The following QDPR variants were observed in gnomAD, a reference collection of about 807,000 sequenced individuals.
The protein encoded by QDPR is quinoid dihydropteridine reductase, also known as dihydropteridine reductase.
In QDPR, 23 loss-of-function variants were observed where a neutral mutation model predicts 31.7. The observed-to-expected ratio is 0.73, with a 90% CI of 0.52 to 1.03. The LOEUF (loss-of-function observed/expected upper bound fraction) is 1.03. Among genes scored for constraint, QDPR ranks in the 50% least tolerant of loss-of-function variants. QDPR has a pLI of 0.00. For synonymous variants in QDPR, 124 were observed against 124.7 expected, an observed-to-expected ratio of 0.99 and a Z score of 0.03; for missense variants, 324 against 323.8, an observed-to-expected ratio of 1.00 and a Z score of 0.00.
intron 2 of QDPR, among the ~76,000 whole-genome samples, chr4:17,506,905 T>A (rs1356030657): frequency 1.3e-5 from 2 of 152,232 alleles, no homozygotes; most frequent in East Asian, 3.8e-4. Flanking sequence ...AGAGTTGTGC[T>A]CACAGTTTTA....
intron 2 of QDPR, among the ~76,000 whole-genome samples, chr4:17,505,183 C>A (rs1034204537): frequency 2.0e-5 from 3 of 151,238 alleles, no homozygotes; most frequent in African/African-American, 7.3e-5. Flanking sequence ...CCGTATTTCT[C>A]TGGAATGGCT....
chr4:17,508,392 T>C (rs1718865202), intron 2 of QDPR, among the ~76,000 whole-genome samples: 1 of 152,168 alleles, frequency 6.6e-6, no homozygotes. Context: ...TGAGCTGAGA[T>C]TGTGCCACTG....
intron 2 of QDPR, 60 bp downstream of exon 2, chr4:17,509,211 C>T: frequency 8.0e-7 from 1 of 1,247,592 alleles, no homozygotes. Flanking sequence ...GAACATACAG[C>T]CAGTGGTCAC....
intron 2 of QDPR, among the ~76,000 whole-genome samples, chr4:17,509,015 G>A (rs1451747478): frequency 6.6e-6 from 1 of 152,110 alleles, no homozygotes; most frequent in East Asian, 1.9e-4. Context: ...AAAATTAGCT[G>A]GGGGTGGTGG....
intron 1 of QDPR, among the ~76,000 whole-genome samples, chr4:17,511,278 T>G (rs900663863): frequency 3.3e-5 from 5 of 152,116 alleles, no homozygotes; most frequent in African/African-American, 9.7e-5. Flanking sequence ...TGCCGCCTCC[T>G]GGAAATTGAC....
Position 17,492,490 on chromosome 4 carries a change from C to G in QDPR, c.437-150G>C, listed in dbSNP as rs1420918806. 4.4e-6 allele frequency: 3 copies of G among 680,008 alleles called. No homozygotes were observed. In the Admixed American group the frequency reaches 6.8e-5, roughly 15 times the overall value. The allele number at this position is 680,008 out of a possible 1,614,324, so 42.1% of individuals were successfully genotyped here. On this transcript the variant is annotated intron_variant, in intron 4 of 6. Coordinates refer to ENST00000281243, the MANE Select transcript of QDPR (RefSeq NM_000320.3). ...CTTCAGGTCAGACGCCCTCACCAACCCCCATCAAAAAATGGCAGAGAGCCA... is the reference window on the plus strand; with the variant it reads ...CTTCAGGTCAGACGCCCTCACCAACGCCCATCAAAAAATGGCAGAGAGCCA...
chr4:17,497,004 C>T (rs1157006794), intron 4 of QDPR, among the ~76,000 whole-genome samples: 1 of 152,122 alleles, frequency 6.6e-6, no homozygotes, highest in East Asian at 1.9e-4. Context: ...CCGCTGTGGC[C>T]TCCCAAAGTG....
intron 4 of QDPR, among the ~76,000 whole-genome samples, chr4:17,494,958 C>G (rs754756126): frequency 6.6e-6 from 1 of 152,186 alleles, no homozygotes; most frequent in Non-Finnish European, 1.5e-5. Context: ...AGGGCACGCA[C>G]AGAACCCGAT....
At chr4:17,502,416 T>C (rs1021487319) in intron 3 of QDPR, among the ~76,000 whole-genome samples, 19 of 152,198 alleles carry the variant, frequency 1.2e-4, no homozygotes, top group Non-Finnish European at 2.8e-4. Flanking sequence ...TGGTAACATA[T>C]GTCACACCAC....
chr4:17,502,752 C>G (rs1048186071), intron 3 of QDPR, among the ~76,000 whole-genome samples: 1 of 152,096 alleles, frequency 6.6e-6, no homozygotes, highest in African/African-American at 2.4e-5. Flanking sequence ...ATTTTCCAAC[C>G]CCTGAATAAG....
chr4:17,490,494 C>T, intron 6 of QDPR, 168 bp downstream of exon 6: 1 of 634,748 alleles, frequency 1.6e-6, no homozygotes, highest in South Asian at 1.6e-5. Context: ...CCAAGTCCAG[C>T]TACTCTGAGA....
intron 4 of QDPR, among the ~76,000 whole-genome samples, chr4:17,498,164 C>T (rs569015737): frequency 3.7e-4 from 57 of 152,268 alleles, no homozygotes; most frequent in African/African-American, 1.3e-3. Flanking sequence ...CTAAAATCCT[C>T]GGCACACACA....
In QDPR at chr4:17,486,484, G is replaced by A. The variant is rs531790880; in HGVS notation, c.*647C>T. On this transcript the variant is annotated 3_prime_UTR_variant, in exon 7 of 7. Transcript: ENST00000281243. Reference sequence around the variant, plus strand: ...AGACCTCCAGCAATCCATGATTCTAGTATACTCATCTCTGACTGCTGTATA... The same window carrying A: ...AGACCTCCAGCAATCCATGATTCTAATATACTCATCTCTGACTGCTGTATA... The A allele has an allele frequency of 2.2e-4, 34 of 152,994 alleles. No homozygotes were observed. The highest frequency in any genetic ancestry group is 5.8e-4 in the Admixed American group (9 of 15,454). 9.5% of individuals were successfully genotyped at this position (152,994 alleles called of 1,614,324 possible). A position where few individuals can be genotyped will look rare whatever the true frequency, so the allele number is the denominator to read the frequency against.
chr4:17,491,975 G>A (rs1016297850), intron 5 of QDPR, among the ~76,000 whole-genome samples: 3 of 152,192 alleles, frequency 2.0e-5, no homozygotes, highest in African/African-American at 7.2e-5. Context: ...ATCTGCTGGT[G>A]CCTTCATCTT....
intron 2 of QDPR, among the ~76,000 whole-genome samples, chr4:17,508,447 A>T (rs1718867147): frequency 6.6e-6 from 1 of 152,208 alleles, no homozygotes; most frequent in Non-Finnish European, 1.5e-5. Flanking sequence ...AAAACAAAAA[A>T]CAATAATAAT....
chr4:17,508,146 A>G (rs1718854430), intron 2 of QDPR, among the ~76,000 whole-genome samples: 1 of 152,238 alleles, frequency 6.6e-6, no homozygotes, highest in Non-Finnish European at 1.5e-5. Flanking sequence ...CTAAATAATC[A>G]GATATGTGGG....
chr4:17,492,218 C>T lies in QDPR; in HGVS notation c.545+14G>A. ...GCAGAGGTGGGCAGCAGCCAGGGAA[C>T]CCCAAGCACTTACGGGAGCACAGCG... On this transcript the variant is annotated intron_variant, in intron 5 of 6. Coordinates refer to ENST00000281243, the MANE Select transcript of QDPR (RefSeq NM_000320.3). 1 of 1,608,672 alleles carries T rather than the reference C, an allele frequency of 6.2e-7. No individual in the cohort carries two copies. The highest frequency in any genetic ancestry group is 8.5e-7 in the Non-Finnish European group (1 of 1,175,644).
intron 3 of QDPR, among the ~76,000 whole-genome samples, chr4:17,503,016 C>T (rs1485783744): frequency 6.6e-6 from 1 of 152,214 alleles, no homozygotes; most frequent in Admixed American, 6.5e-5. Flanking sequence ...ATATAAGGTA[C>T]ACACCATCAC....
chr4:17,488,121 G>A (rs919417822), intron 6 of QDPR, among the ~76,000 whole-genome samples: 1 of 151,988 alleles, frequency 6.6e-6, no homozygotes, highest in Non-Finnish European at 1.5e-5. Context: ...AAAAATAGCT[G>A]GGCATGGCAC....
Sources: allele counts gnomAD v4.1 joint callset (sites outside exome capture counted in the v4.1 genomes callset), GRCh38; gene constraint gnomAD v4.1.1; transcripts MANE v1.5; gene names NCBI Gene and HGNC (gene_info 2026-07-23, HGNC 2026-07-21).